RORA: variants seen among roughly 807,000 people sequenced by gnomAD.
RORA encodes nuclear receptor ROR-alpha.
Under a neutral mutation model 69.5 loss-of-function variants are expected in RORA, and 7 were observed. The ratio of observed to expected loss-of-function variants is 0.10; its 90% CI spans 0.06 to 0.19. RORA has a LOEUF of 0.19. Ranked by LOEUF, RORA falls within the 10% of genes least tolerant of loss-of-function variation. The probability of loss-of-function intolerance (pLI) is 1.00; values close to 1 mark genes in which losing one functional copy is unlikely to be tolerated. For synonymous variants in RORA, 261 were observed against 240.8 expected (o/e 1.08, Z -0.78); for missense variants, 457 against 663.0 (o/e 0.69, Z 3.41).
intron 1 of RORA, among the ~76,000 whole-genome samples, chr15:60,701,050 C>A (rs1189147895): frequency 2.0e-5 from 3 of 152,174 alleles, no homozygotes; most frequent in Non-Finnish European, 4.4e-5. Flanking sequence ...CAAAGGCGGC[C>A]TACTCTTCTC....
chr15:60,637,688 A>G (rs900319228), intron 2 of RORA, among the ~76,000 whole-genome samples: 1 of 152,122 alleles, frequency 6.6e-6, no homozygotes, highest in Non-Finnish European at 1.5e-5. Flanking sequence ...TATGTATTCT[A>G]TTGACACATA....
At chr15:60,635,145 C>T (rs1196752060) in intron 2 of RORA, among the ~76,000 whole-genome samples, 5 of 152,214 alleles carry the variant, frequency 3.3e-5, no homozygotes. Flanking sequence ...TGTGCCGCCT[C>T]AGGGCAAGCA....
rs556351693 is a variant in RORA, at chr15:60,534,480, T to G, written c.197-2629A>C. Among the ~76,000 whole-genome samples, 2 of 150,690 alleles carry G rather than the reference T, an allele frequency of 1.3e-5. No homozygotes were observed. Among genetic ancestry groups the G allele is most frequent in the African/African-American group, 5.0e-5 (2 of 39,998 alleles). On this transcript the variant is annotated intron_variant, in intron 2 of 10. Coordinates refer to ENST00000335670, the MANE Select transcript of RORA (RefSeq NM_134261.3). This position sits in a 1 kb window ranked among gnomAD's most constrained non-coding sequence, Gnocchi z 5.0. ...AATGGACTCACTGTAGATTGACTTGTATTTCCAAACAGGGGGGCCATTCAC... is the reference window on the plus strand; with the variant it reads ...AATGGACTCACTGTAGATTGACTTGGATTTCCAAACAGGGGGGCCATTCAC...
intron 2 of RORA, chr15:60,627,292 G>A (rs1318939084): frequency 1.2e-6 from 2 of 1,614,206 alleles, no homozygotes; most frequent in East Asian, 2.2e-5. Context: ...GGCCTGTCCA[G>A]TTCGAAGACA....
At chr15:61,202,898 T>G (rs983364483) in intron 1 of RORA, among the ~76,000 whole-genome samples, 2 of 152,156 alleles carry the variant, frequency 1.3e-5, no homozygotes, top group Non-Finnish European at 1.5e-5. Context: ...TAGAGACACT[T>G]GTACAACCCA....
At chr15:61,221,778 C>A (rs1009761107) in intron 1 of RORA, among the ~76,000 whole-genome samples, 3 of 152,034 alleles carry the variant, frequency 2.0e-5, no homozygotes, top group African/African-American at 7.3e-5. Context: ...TAAGTGGCAC[C>A]CTTCCTTGCA....
intron 1 of RORA, among the ~76,000 whole-genome samples, chr15:60,899,638 G>C (rs1003329317): frequency 2.0e-5 from 3 of 152,146 alleles, no homozygotes; most frequent in African/African-American, 7.2e-5. Flanking sequence ...CATTCCACCA[G>C]GTAAGGACGT....
At chr15:60,623,012 G>A (rs375826954) in intron 2 of RORA, among the ~76,000 whole-genome samples, 1 of 152,298 alleles carries the variant, frequency 6.6e-6, no homozygotes, top group African/African-American at 2.4e-5. Flanking sequence ...CACTATGCCC[G>A]GCCATGTCAT....
rs541759997 is a variant in RORA at position 61,164,741 on chromosome 15, T to C, written c.166+64312A>G. Among the ~76,000 whole-genome samples, 6 of 152,300 alleles carry C rather than the reference T, an allele frequency of 3.9e-5. No homozygotes were observed. In the East Asian group the frequency reaches 1.2e-3, roughly 29 times the overall value. ...TGTTCTGTACCAGATCTGCAGATTA[T>C]ATAGAAGGCTACTGTTAAGGGCTAA... On this transcript the variant is annotated intron_variant, in intron 1 of 10. Coordinates refer to ENST00000335670, the MANE Select transcript of RORA (RefSeq NM_134261.3).
rs564867473 is a variant in RORA, at chr15:60,646,041, C to T, written c.196+32616G>A. Among the ~76,000 whole-genome samples the T allele has an allele frequency of 2.0e-5, 3 of 152,308 alleles. No homozygotes were observed. In the South Asian group the frequency reaches 6.2e-4, roughly 32 times the overall value. Reference sequence around the variant, plus strand: ...TGAAAGCTAGGAATTCTCAGACACCCTGGCAAAGTCTTGACCTTCATTTGG... The same window carrying T: ...TGAAAGCTAGGAATTCTCAGACACCTTGGCAAAGTCTTGACCTTCATTTGG... On this transcript the variant is annotated intron_variant, in intron 2 of 10. Coordinates refer to ENST00000335670, the MANE Select transcript of RORA (RefSeq NM_134261.3).
At chr15:61,175,791 G>C (rs919117745) in intron 1 of RORA, among the ~76,000 whole-genome samples, 2 of 152,174 alleles carry the variant, frequency 1.3e-5, no homozygotes, top group African/African-American at 2.4e-5. Flanking sequence ...CAGAGCTAAT[G>C]AGCCACAAAG....
At chr15:60,790,491 C>T (rs1421566615) in intron 1 of RORA, among the ~76,000 whole-genome samples, 1 of 152,172 alleles carries the variant, frequency 6.6e-6, no homozygotes, top group African/African-American at 2.4e-5. Flanking sequence ...GCACCATGGC[C>T]TCAGGAAGAC....
chr15:61,198,097 C>T (rs185428248), intron 1 of RORA, among the ~76,000 whole-genome samples: 18 of 152,100 alleles, frequency 1.2e-4, no homozygotes, highest in Admixed American at 2.6e-4. Flanking sequence ...TCATCTCAGG[C>T]GCAGGATTTA....
chr15:60,821,906 T>A (rs1430447573), intron 1 of RORA, among the ~76,000 whole-genome samples: 1 of 152,210 alleles, frequency 6.6e-6, no homozygotes, highest in Non-Finnish European at 1.5e-5. Context: ...AGCTGAGGAT[T>A]GGAATCCAGG....
At chr15:60,919,341 AG>A (rs1250140884) in intron 1 of RORA, among the ~76,000 whole-genome samples, 1 of 152,210 alleles carries the variant, frequency 6.6e-6, no homozygotes, top group Non-Finnish European at 1.5e-5. Context: ...AGGGCCCAGC[AG>A]GGGTGAAGGA....
At chr15:60,555,550 A>G (rs1475168990) in intron 2 of RORA, among the ~76,000 whole-genome samples, 2 of 152,152 alleles carry the variant, frequency 1.3e-5, no homozygotes, top group Non-Finnish European at 2.9e-5. Flanking sequence ...GCCTTGTTCA[A>G]AAGAATTAGT....
At chr15:61,113,300 C>T (rs2079023326) in intron 1 of RORA, among the ~76,000 whole-genome samples, 1 of 152,198 alleles carries the variant, frequency 6.6e-6, no homozygotes, top group Non-Finnish European at 1.5e-5. Context: ...GACTAACTGC[C>T]TCCAGAGATG....
intron 2 of RORA, among the ~76,000 whole-genome samples, chr15:60,578,765 C>CTTTTTT (rs768047660): frequency 1.4e-5 from 2 of 138,890 alleles, no homozygotes; most frequent in Non-Finnish European, 3.1e-5. Context: ...TTAAATGAAA[C>CTTTTTT]TTTTTTTTTT....
chr15:60,920,243 A>T (rs138219716), intron 1 of RORA, among the ~76,000 whole-genome samples: 219 of 152,326 alleles, frequency 1.4e-3, no homozygotes, highest in African/African-American at 5.1e-3. Context: ...CTATCTACGA[A>T]TCAGCCATTT....
Sources: gnomAD v4.1 joint callset for allele counts (sites outside exome capture counted in the v4.1 genomes callset) on GRCh38, gnomAD v4.1.1 for gene constraint, Gnocchi (gnomAD v3.1) non-coding constraint, MANE v1.5 for transcripts, NCBI Gene and HGNC (gene_info 2026-07-23, HGNC 2026-07-21) for gene names.